GATA5: variants seen among roughly 807,000 people sequenced by gnomAD.
The protein encoded by GATA5 is GATA binding protein 5.
A neutral mutation model predicts 35.0 loss-of-function variants in GATA5; 27 were observed. The ratio of observed to expected loss-of-function variants is 0.77; its 90% CI spans 0.57 to 1.06. The LOEUF (loss-of-function observed/expected upper bound fraction) is 1.06. Ranked by LOEUF, GATA5 falls within the 50% of genes least tolerant of loss-of-function variation. The pLI, the probability that GATA5 is intolerant of heterozygous loss-of-function variation, is 0.00. For synonymous variants in GATA5, 306 were observed against 267.8 expected, an observed-to-expected ratio of 1.14 and a Z score of -1.39; for missense variants, 612 against 580.0, an observed-to-expected ratio of 1.06 and a Z score of -0.57.
chr20:62,473,076 C>T (rs1989760704), intron 3 of GATA5, among the ~76,000 whole-genome samples: 1 of 152,232 alleles, frequency 6.6e-6, no homozygotes, highest in South Asian at 2.1e-4. Flanking sequence ...CTCCTGGCAG[C>T]AGGCCTTCTT....
Position 62,475,053 on chromosome 20 carries a change from C to A in GATA5, c.469G>T (p.Gly157Trp), listed in dbSNP as rs782571269. Reference sequence around the variant, plus strand: ...TGCAGGACGCTGCCATCGAAGGGCCCGGCAGTCCAGGACTGGGCCACGTCG... The same window carrying A: ...TGCAGGACGCTGCCATCGAAGGGCCAGGCAGTCCAGGACTGGGCCACGTCG... Reference protein sequence around the residue: ...SPDVAQSWTAGPFDGSVLHGL... With the variant: ...SPDVAQSWTAWPFDGSVLHGL... Residue 157 changes from glycine (G) to tryptophan (W), a missense_variant, in exon 2 of 7, where the codon GGG becomes TGG. Gly to Trp is a radical substitution (Grantham distance 184). Coordinates refer to ENST00000252997, the MANE Select transcript of GATA5 (RefSeq NM_080473.5). 7.1e-7 allele frequency: 1 copy of A among 1,411,758 alleles called. No homozygotes were observed. The highest frequency in any genetic ancestry group is 9.3e-7 in the Non-Finnish European group (1 of 1,077,502). The allele number at this position is 1,411,758 out of a possible 1,614,324, so 87.5% of individuals were successfully genotyped here.
Position 62,464,950 on chromosome 20 carries a change from C to T in GATA5, c.1080G>A (p.Leu360=). Residue 360 remains leucine (L), a synonymous_variant, in exon 7 of 7, where the codon TTG becomes TTA. Transcript: ENST00000252997. ...QEDDSLAPGH[L]EFKFEPEDFA... is the part of the protein sequence containing the mutation. Reference sequence around the variant, plus strand: ...AGTCCTCAGGCTCGAACTTGAACTCCAAGTGGCCGGGGGCAAGAGAGTCAT... The same window carrying T: ...AGTCCTCAGGCTCGAACTTGAACTCTAAGTGGCCGGGGGCAAGAGAGTCAT... 4 of 1,604,700 alleles carry T rather than the reference C, an allele frequency of 2.5e-6. No individual in the cohort carries two copies. The highest frequency in any genetic ancestry group is 3.4e-6 in the Non-Finnish European group (4 of 1,176,870).
chr20:62,473,138 C>T (rs1339221042), intron 3 of GATA5, among the ~76,000 whole-genome samples: 2 of 152,248 alleles, frequency 1.3e-5, no homozygotes, highest in Non-Finnish European at 1.5e-5. Context: ...AGAGCCTGGG[C>T]TCCTGGCCCC....
At chr20:62,467,815 G>A (rs1989627807) in intron 3 of GATA5, among the ~76,000 whole-genome samples, 1 of 152,378 alleles carries the variant, frequency 6.6e-6, no homozygotes, top group South Asian at 2.1e-4. Flanking sequence ...GCCACACTAG[G>A]GGAAAAGAAT....
chr20:62,466,400 C>A, intron 4 of GATA5, 26 bp downstream of exon 4: 1 of 1,559,002 alleles, frequency 6.4e-7, no homozygotes, highest in Non-Finnish European at 8.7e-7. Context: ...GAGGCCTCCC[C>A]GCCCTGCCCC....
chr20:62,467,407 C>T (rs561759380), intron 3 of GATA5, among the ~76,000 whole-genome samples: 1 of 152,254 alleles, frequency 6.6e-6, no homozygotes, highest in African/African-American at 2.4e-5. Context: ...TCGGGAGCTC[C>T]AGCCCAGGGC....
At chr20:62,472,437 C>A (rs1489300823) in intron 3 of GATA5, among the ~76,000 whole-genome samples, 1 of 152,206 alleles carries the variant, frequency 6.6e-6, no homozygotes, top group Non-Finnish European at 1.5e-5. Flanking sequence ...AGAACAGCCA[C>A]CCGGCAAGGA....
intron 2 of GATA5, among the ~76,000 whole-genome samples, chr20:62,474,011 C>T (rs1167483526): frequency 6.6e-6 from 1 of 151,588 alleles, no homozygotes; most frequent in Admixed American, 6.6e-5. Flanking sequence ...CACTCTTGGG[C>T]GCCCCTGGGC....
At chr20:62,469,284 T>A (rs1322572848) in intron 3 of GATA5, among the ~76,000 whole-genome samples, 1 of 152,264 alleles carries the variant, frequency 6.6e-6, no homozygotes, top group African/African-American at 2.4e-5. Flanking sequence ...CTAAAATATT[T>A]GTGTTTATCT....
Position 62,464,044 on chromosome 20 carries a change from G to T in GATA5, c.*792C>A, listed in dbSNP as rs113489842. On this transcript the variant is annotated 3_prime_UTR_variant, in exon 7 of 7. Coordinates refer to ENST00000252997, the MANE Select transcript of GATA5 (RefSeq NM_080473.5). The stretch of plus-strand genomic sequence containing the variant: ...CAGATATGCCAGGACATGTGACCAC[G>T]TCACCACCAGCCCCAACAGCGCTTG... 1.3e-5 allele frequency: 2 copies of T among 152,230 alleles called. No individual in the cohort carries two copies. Among genetic ancestry groups the T allele is most frequent in the African/African-American group, 4.8e-5 (2 of 41,450 alleles). The allele number at this position is 152,230 out of a possible 1,614,324, so 9.4% of individuals were successfully genotyped here.
chr20:62,468,722 T>C (rs1989652959), intron 3 of GATA5, among the ~76,000 whole-genome samples: 1 of 152,246 alleles, frequency 6.6e-6, no homozygotes, highest in Non-Finnish European at 1.5e-5. Context: ...TCTCCCACCC[T>C]GGGCCAACAG....
intron 6 of GATA5, 28 bp from the exon 7 acceptor site, chr20:62,465,019 TG>T: frequency 2.8e-6 from 1 of 362,228 alleles, no homozygotes; most frequent in Non-Finnish European, 4.0e-6. Flanking sequence ...CGTGAGAATG[TG>T]GGGTGGGGCG....
chr20:62,465,062 C>T, intron 6 of GATA5, 71 bp from the exon 7 acceptor site: 5 of 1,103,872 alleles, frequency 4.5e-6, no homozygotes, highest in South Asian at 1.4e-5. Context: ...AAGCTGCAGC[C>T]TCTTAGGTCA....
chr20:62,471,432 A>ATTTT lies in GATA5; in HGVS notation c.699+1967_699+1970dup, dbSNP rs574764628. ...TAAAGAGAAGTTAATTTCAATTACA[A>ATTTT]TTTTTTTTTTTTTTTTTGTGATGAG... On this transcript the variant is annotated intron_variant, in intron 3 of 6. Transcript: ENST00000252997. Among the ~76,000 whole-genome samples the ATTTT allele has an allele frequency of 8.2e-4, 67 of 81,776 alleles. 9 individuals are homozygous for ATTTT. Among genetic ancestry groups the ATTTT allele is most frequent in the East Asian group, 3.8e-3 (11 of 2,878 alleles). The allele number at this position is 81,776 out of a possible 152,430, so 53.6% of individuals were successfully genotyped here.
Position 62,465,446 on chromosome 20 carries a change from G to A in GATA5, c.932C>T (p.Ser311Leu), listed in dbSNP as rs150122400. The change falls in exon 6 of 7, where the codon TCG becomes TTG. Residue 311 changes from serine (S) to leucine (L), a missense_variant. Coordinates refer to ENST00000252997, the MANE Select transcript of GATA5 (RefSeq NM_080473.5). The part of the protein sequence containing the change: ...RGSSGSTRNA[S>L]ASPSAVASTD... ...GCTGGCGACAGCAGATGGGGAGGCC[G>A]AGGCATTCCTTGTGGATCCTGGAAG... 1.3e-4 allele frequency: 204 copies of A among 1,608,724 alleles called. No individual in the cohort carries two copies. The highest frequency in any genetic ancestry group is 9.9e-4 in the Middle Eastern group (6 of 6,046).
intron 6 of GATA5, 47 bp from the exon 7 acceptor site, chr20:62,465,038 T>TGGGGGGGGGGGGGGGGGGG: frequency 1.3e-5 from 1 of 77,630 alleles, no homozygotes; most frequent in Non-Finnish European, 2.4e-5. Flanking sequence ...GCGTGGGGCG[T>TGGGGGGGGGGGGGGGGGGG]GGGGGGCTGG....
chr20:62,472,298 C>T (rs935226062), intron 3 of GATA5, among the ~76,000 whole-genome samples: 6 of 152,218 alleles, frequency 3.9e-5, no homozygotes, highest in East Asian at 3.8e-4. Context: ...CTTCCCACCA[C>T]CTGCTCCACT....
In GATA5 at chr20:62,464,696, T is replaced by C. The variant is rs1555895823; in HGVS notation, c.*140A>G. On this transcript the variant is annotated 3_prime_UTR_variant, in exon 7 of 7. Transcript: ENST00000252997. ...TCTGTCCAGAAGGCCTCCCCACCAC[T>C]GTGTGGAGACTCCAGCAGACCCAGT... The C allele has an allele frequency of 2.7e-6, 2 of 739,784 alleles. No individual in the cohort carries two copies. The highest frequency in any genetic ancestry group is 1.8e-5 in the African/African-American group (1 of 54,412). The allele number at this position is 739,784 out of a possible 1,614,324, so 45.8% of individuals were successfully genotyped here.
rs1202181267 is a variant in GATA5, at chr20:62,475,475, T to C, written c.47A>G (p.Tyr16Cys). 3.5e-5 allele frequency: 46 copies of C among 1,332,614 alleles called. No individual in the cohort carries two copies. Among genetic ancestry groups the C allele is most frequent in the Non-Finnish European group, 4.2e-5 (44 of 1,045,724 alleles). The allele number at this position is 1,332,614 out of a possible 1,614,324, so 82.5% of individuals were successfully genotyped here. ...ALAASPRQAA[Y>C]ADSGSFLHAP... ...GTGCAGGAAGGAGCCCGAGTCGGCG[T>C]AGGCGGCCTGGCGGGGGCTCGCGGC... Residue 16 changes from tyrosine to cysteine, a missense_variant, in exon 2 of 7, where the codon TAC (tyrosine) becomes TGC (cysteine). Coordinates refer to ENST00000252997, the MANE Select transcript of GATA5 (RefSeq NM_080473.5).
Sources: allele counts gnomAD v4.1 joint callset (sites outside exome capture counted in the v4.1 genomes callset), GRCh38; gene constraint gnomAD v4.1.1; transcripts MANE v1.5; gene names NCBI Gene and HGNC (gene_info 2026-07-23, HGNC 2026-07-21).